The following GRIK2 variants were observed in gnomAD, a reference collection of about 807,000 sequenced individuals.
The protein encoded by GRIK2 is glutamate receptor ionotropic, kainate 2.
A neutral mutation model predicts 100.3 loss-of-function variants in GRIK2; 32 were observed. The ratio of observed to expected loss-of-function variants is 0.32; its 90% CI spans 0.24 to 0.43. The LOEUF (loss-of-function observed/expected upper bound fraction) is 0.43, where lower values mean the gene tolerates loss of function less well. GRIK2 is among the 20% of genes least tolerant of loss of function. The probability of loss-of-function intolerance (pLI) is 1.00; values close to 1 mark genes in which losing one functional copy is unlikely to be tolerated. For synonymous variants in GRIK2, 417 were observed against 389.4 expected (o/e 1.07, Z -0.83); for missense variants, 843 against 1,114.9 (o/e 0.76, Z 3.47).
chr6:101,865,460 C>G (rs1035654597), intron 11 of GRIK2, among the ~76,000 whole-genome samples: 5 of 152,070 alleles, frequency 3.3e-5, no homozygotes, highest in African/African-American at 9.7e-5. Flanking sequence ...GGTATTATCA[C>G]AAAAATGGAA....
At chr6:101,424,809 A>T (rs1454255906) in intron 2 of GRIK2, among the ~76,000 whole-genome samples, 1 of 150,654 alleles carries the variant, frequency 6.6e-6, no homozygotes, top group Non-Finnish European at 1.5e-5. Flanking sequence ...GAGTGAGAAC[A>T]TGTGGTGTTT....
chr6:101,401,133 G>A (rs552357013), intron 2 of GRIK2, among the ~76,000 whole-genome samples: 1 of 152,182 alleles, frequency 6.6e-6, no homozygotes, highest in East Asian at 1.9e-4. Context: ...GAATTCTGAA[G>A]TGTGTTTGTG....
intron 7 of GRIK2, among the ~76,000 whole-genome samples, chr6:101,718,301 C>T (rs549267498): frequency 6.6e-6 from 1 of 151,656 alleles, no homozygotes; most frequent in Non-Finnish European, 1.5e-5. Flanking sequence ...CAAAAAATAA[C>T]TAGAAAACCA....
At chr6:101,958,729 C>T (rs1304794948) in intron 14 of GRIK2, among the ~76,000 whole-genome samples, 2 of 151,908 alleles carry the variant, frequency 1.3e-5, no homozygotes, top group Admixed American at 6.6e-5. Context: ...GTGTTTTTAT[C>T]ATTAATGGGT....
chr6:101,630,248 G>C (rs1780662785), intron 4 of GRIK2, among the ~76,000 whole-genome samples: 1 of 152,100 alleles, frequency 6.6e-6, no homozygotes. Flanking sequence ...GTATTGCTGA[G>C]TCAAATGTCG....
intron 7 of GRIK2, among the ~76,000 whole-genome samples, chr6:101,793,647 G>GGGGGTCA (rs1472865460): frequency 1.3e-5 from 2 of 152,150 alleles, no homozygotes; most frequent in Non-Finnish European, 2.9e-5. Context: ...TAGGCTGCTC[G>GGGGGTCA]GGGGTCAGGG....
At chr6:101,886,079 T>G (rs1786592915) in intron 11 of GRIK2, among the ~76,000 whole-genome samples, 1 of 152,158 alleles carries the variant, frequency 6.6e-6, no homozygotes, top group Non-Finnish European at 1.5e-5. Context: ...CTATCTCAAT[T>G]CTTTTGAATC....
rs181588784 is a variant in GRIK2, at chr6:101,562,701, A to T, written c.116-59248A>T. ...TTTCTTCTCTGAGCCCATAATTCCC[A>T]TTATATCTATCCTTGAATGTTCTTC... On this transcript the variant is annotated intron_variant, in intron 2 of 16. Transcript: ENST00000369134. Among the ~76,000 whole-genome samples the T allele has an allele frequency of 8.5e-5, 13 of 152,140 alleles. No homozygotes were observed. The East Asian group carries it at 2.3e-3, about 27-fold the overall frequency.
chr6:101,791,878 A>C (rs1272410738), intron 7 of GRIK2, among the ~76,000 whole-genome samples: 1 of 151,630 alleles, frequency 6.6e-6, no homozygotes, highest in Non-Finnish European at 1.5e-5. Flanking sequence ...TTGCTTTATG[A>C]ATCTGGGTGC....
chr6:101,526,627 A>C (rs140601568), intron 2 of GRIK2, among the ~76,000 whole-genome samples: 1 of 152,154 alleles, frequency 6.6e-6, no homozygotes, highest in Non-Finnish European at 1.5e-5. Context: ...GGGTGATGCT[A>C]TAAGGAAGGG....
At chr6:101,763,474 G>A (rs1356460035) in intron 7 of GRIK2, among the ~76,000 whole-genome samples, 2 of 152,142 alleles carry the variant, frequency 1.3e-5, no homozygotes, top group African/African-American at 2.4e-5. Flanking sequence ...CACATTTCTT[G>A]TCTGATTTTT....
intron 2 of GRIK2, among the ~76,000 whole-genome samples, chr6:101,548,461 G>A (rs1019971787): frequency 1.1e-4 from 17 of 152,198 alleles, no homozygotes; most frequent in East Asian, 1.9e-4. Flanking sequence ...TAGGTCTAAC[G>A]TTTAAGTCTT....
intron 14 of GRIK2, among the ~76,000 whole-genome samples, chr6:101,969,038 T>C: frequency 6.6e-6 from 1 of 152,118 alleles, no homozygotes; most frequent in South Asian, 2.1e-4. Context: ...ATATAAACAT[T>C]TTGAATTATA....
At chr6:101,804,321 A>C (rs1314029028) in intron 9 of GRIK2, among the ~76,000 whole-genome samples, 2 of 152,040 alleles carry the variant, frequency 1.3e-5, no homozygotes, top group Non-Finnish European at 2.9e-5. Flanking sequence ...TAGTCATAAC[A>C]TAGATACCAT....
chr6:101,949,452 T>A (rs1036035982), intron 14 of GRIK2, among the ~76,000 whole-genome samples: 1 of 152,254 alleles, frequency 6.6e-6, no homozygotes, highest in East Asian at 1.9e-4. Context: ...AGTGGTGTGC[T>A]GCACCCATCC....
intron 14 of GRIK2, among the ~76,000 whole-genome samples, chr6:101,965,970 C>T (rs1378569463): frequency 6.6e-6 from 1 of 151,774 alleles, no homozygotes; most frequent in African/African-American, 2.4e-5. Context: ...GTTTGGATTT[C>T]TTTGTAATCC....
At chr6:101,580,951 T>C (rs1308569774) in intron 2 of GRIK2, among the ~76,000 whole-genome samples, 1 of 152,124 alleles carries the variant, frequency 6.6e-6, no homozygotes, top group African/African-American at 2.4e-5. Flanking sequence ...CTAATTTTTC[T>C]TCTGTGCTTT....
At chr6:101,401,549 G>A (rs1023503904) in intron 2 of GRIK2, among the ~76,000 whole-genome samples, 1 of 152,144 alleles carries the variant, frequency 6.6e-6, no homozygotes, top group African/African-American at 2.4e-5. Flanking sequence ...TGTTTTCTAC[G>A]TTAACTTAAA....
intron 7 of GRIK2, among the ~76,000 whole-genome samples, chr6:101,717,274 A>C (rs1774139153): frequency 6.6e-6 from 1 of 151,730 alleles, no homozygotes; most frequent in Admixed American, 6.6e-5. Flanking sequence ...TGACTGACAA[A>C]CCTTCAGGAG....
Sources: allele counts gnomAD v4.1 joint callset (sites outside exome capture counted in the v4.1 genomes callset), GRCh38; gene constraint gnomAD v4.1.1; transcripts MANE v1.5; gene names NCBI Gene and HGNC (gene_info 2026-07-23, HGNC 2026-07-21).